The following C18orf54 variants were observed in gnomAD, a reference collection of about 807,000 sequenced individuals.
C18orf54 encodes lung adenoma susceptibility protein 2.
Under a neutral mutation model 49.3 loss-of-function variants are expected in C18orf54, and 49 were observed. The ratio of observed to expected loss-of-function variants is 0.99; its 90% confidence interval spans 0.79 to 1.26. The LOEUF is 1.26. Among genes scored for constraint, C18orf54 ranks in the 50% most tolerant of loss-of-function variants. C18orf54 has a pLI of 0.00. For synonymous variants in C18orf54, 211 were observed against 216.6 expected (o/e 0.97, Z 0.23); for missense variants, 687 against 620.6 (o/e 1.11, Z -1.14).
At position 54,378,366 on chromosome 18, in the gene C18orf54, G is replaced by T. The variant is rs2089611870; in HGVS notation, c.*120G>T. 2.4e-6 allele frequency: 2 copies of T among 835,884 alleles called. No homozygotes were observed. Among genetic ancestry groups the T allele is most frequent in the Non-Finnish European group, 1.8e-6 (1 of 552,898 alleles). The allele number at this position is 835,884 out of a possible 1,614,324, so 51.8% of individuals were successfully genotyped here. A position where few individuals can be genotyped will look rare whatever the true frequency, so the allele number is the denominator to read the frequency against. On this transcript the variant is annotated 3_prime_UTR_variant, in exon 9 of 9. Transcript: ENST00000620105. ...TACATTATTTTGTGGTTGGTTCAAGGATTATATATTTCTAAAACACTAAAC... is the reference window on the plus strand; with the variant it reads ...TACATTATTTTGTGGTTGGTTCAAGTATTATATATTTCTAAAACACTAAAC...
Position 54,360,576 on chromosome 18 carries a change from G to T in C18orf54, c.4G>T (p.Ala2Ser). The change falls in exon 3 of 9, where the codon GCG becomes TCG. Residue 2 changes from alanine (A) to serine (S), a missense_variant. Transcript: ENST00000620105. Reference protein sequence around the residue: MAKSKTKHRLCS... With the variant: MSKSKTKHRLCS... ...AACAATCCACTTTGAAGAAGCCATG[G>T]CGAAATCAAAGACAAAACATAGACT... 2 of 1,613,506 alleles carry T rather than the reference G, an allele frequency of 1.2e-6. No homozygotes were observed. The highest frequency in any genetic ancestry group is 8.5e-7 in the Non-Finnish European group (1 of 1,179,596).
In C18orf54 at chr18:54,362,325, G is replaced by C; in HGVS notation, c.966G>C (p.Leu322Phe). ...AFEPSNFSNS[L>F]SDDKELVNEY... ...AACCCTCAAACTTTTCAAATTCCTTGAGTGATGATAAAGAATTAGTTAATG... is the reference window on the plus strand; with the variant it reads ...AACCCTCAAACTTTTCAAATTCCTTCAGTGATGATAAAGAATTAGTTAATG... Residue 322 changes from leucine to phenylalanine, a missense_variant, in exon 4 of 9, where the codon TTG (leucine) becomes TTC (phenylalanine). By Grantham distance (22) the Leu-to-Phe change is conservative (BLOSUM62 0). Coordinates refer to ENST00000620105, the MANE Select transcript of C18orf54 (RefSeq NM_001288980.2). 6.5e-7 allele frequency: 1 copy of C among 1,536,034 alleles called. No individual in the cohort carries two copies. Among genetic ancestry groups the C allele is most frequent in the Non-Finnish European group, 8.7e-7 (1 of 1,146,788 alleles).
chr18:54,365,766 C>T lies in C18orf54; in HGVS notation c.1271C>T (p.Ser424Leu). 1 of 1,601,080 alleles carries T rather than the reference C, an allele frequency of 6.2e-7. No individual in the cohort carries two copies. Among genetic ancestry groups the T allele is most frequent in the Middle Eastern group, 1.7e-4 (1 of 5,996 alleles). The change falls in exon 6 of 9, where the codon TCA becomes TTA. Residue 424 changes from serine (S) to leucine (L), a missense_variant. By Grantham distance (145) the Ser-to-Leu change is moderately radical. Coordinates refer to ENST00000620105, the MANE Select transcript of C18orf54 (RefSeq NM_001288980.2). Reference sequence around the variant, plus strand: ...TCTGATGATAGTCCTCAACAAACTTCAAGGGCAAAGAGTGCTAAAGGGGTT... The same window carrying T: ...TCTGATGATAGTCCTCAACAAACTTTAAGGGCAAAGAGTGCTAAAGGGGTT... ...VNSDDSPQQT[S>L]RAKSAKGVLE... is the part of the protein sequence containing the mutation.
rs1198533055 is a variant in C18orf54, at chr18:54,379,482, A to G, written c.*1236A>G. 7 of 149,966 alleles carry G rather than the reference A, an allele frequency of 4.7e-5. No individual in the cohort carries two copies. Among genetic ancestry groups the G allele is most frequent in the Non-Finnish European group, 4.4e-5 (3 of 67,614 alleles). The allele number at this position is 149,966 out of a possible 1,614,324, so 9.3% of individuals were successfully genotyped here. A position where few individuals can be genotyped will look rare whatever the true frequency, so the allele number is the denominator to read the frequency against. ...TGTTAGAGGTGACATGTCAAACACT[A>G]CAGTGAGCTCTGTGGGGTTTTTTTT... is the stretch of plus-strand genomic sequence containing the variant. On this transcript the variant is annotated 3_prime_UTR_variant, in exon 9 of 9. Transcript: ENST00000620105.
intron 6 of C18orf54, among the ~76,000 whole-genome samples, chr18:54,369,877 T>C (rs2089454616): frequency 6.6e-6 from 1 of 152,024 alleles, no homozygotes; most frequent in South Asian, 2.1e-4. Flanking sequence ...GTTGTGCTGT[T>C]TATTTATAAT....
rs1413504982 is a variant in C18orf54, at chr18:54,380,613, T to C, written c.*2367T>C. On this transcript the variant is annotated 3_prime_UTR_variant, in exon 9 of 9. Transcript: ENST00000620105. Reference sequence around the variant, plus strand: ...GATTTCTGAGCAAATTAAGAAACACTGTTTTCCTGGGTTTGTTTTGGGTAT... The same window carrying C: ...GATTTCTGAGCAAATTAAGAAACACCGTTTTCCTGGGTTTGTTTTGGGTAT... 1 of 152,122 alleles carries C rather than the reference T, an allele frequency of 6.6e-6. No individual in the cohort carries two copies. The allele number at this position is 152,122 out of a possible 1,614,324, so 9.4% of individuals were successfully genotyped here.
intron 5 of C18orf54, 27 bp downstream of exon 5, chr18:54,362,948 T>G (rs1158323235): frequency 6.4e-7 from 1 of 1,568,846 alleles, no homozygotes; most frequent in South Asian, 1.2e-5. Context: ...GGAAAAACTG[T>G]TTAGTTTTCC....
chr18:54,367,975 C>G (rs1258459055), intron 6 of C18orf54, among the ~76,000 whole-genome samples: 1 of 152,038 alleles, frequency 6.6e-6, no homozygotes, highest in Admixed American at 6.6e-5. Flanking sequence ...ATTAAGCTCT[C>G]TATTGTATTT....
intron 5 of C18orf54, among the ~76,000 whole-genome samples, chr18:54,365,331 A>G (rs1276290187): frequency 1.3e-5 from 2 of 151,956 alleles, no homozygotes; most frequent in Non-Finnish European, 2.9e-5. Flanking sequence ...TCTAGTAAAA[A>G]CTTTTAAGAG....
chr18:54,367,637 G>C (rs1021686979), intron 6 of C18orf54, among the ~76,000 whole-genome samples: 2 of 152,100 alleles, frequency 1.3e-5, no homozygotes, highest in African/African-American at 4.8e-5. Context: ...TTCTCTTGCT[G>C]TTTTTAGAAT....
At chr18:54,369,861 G>C (rs1305909047) in intron 6 of C18orf54, among the ~76,000 whole-genome samples, 1 of 151,970 alleles carries the variant, frequency 6.6e-6, no homozygotes, top group Non-Finnish European at 1.5e-5. Flanking sequence ...AACTCTCTTT[G>C]GTGTGGTTGT....
intron 8 of C18orf54, among the ~76,000 whole-genome samples, chr18:54,376,500 A>G (rs187556238): frequency 1.3e-3 from 202 of 150,972 alleles, no homozygotes; most frequent in Middle Eastern, 3.4e-3. Context: ...TGCCTGGCTA[A>G]TTTTTGTATT....
chr18:54,375,705 CTT>C (rs1242170288), intron 8 of C18orf54, among the ~76,000 whole-genome samples: 2 of 151,712 alleles, frequency 1.3e-5, no homozygotes, highest in Non-Finnish European at 2.9e-5. Flanking sequence ...TTAATAGTAA[CTT>C]TTTTTCTACT....
intron 6 of C18orf54, among the ~76,000 whole-genome samples, chr18:54,366,277 T>G (rs1485049601): frequency 1.3e-5 from 2 of 151,954 alleles, no homozygotes; most frequent in African/African-American, 4.8e-5. Context: ...CTCTCCTTAT[T>G]CCTTACCTCC....
intron 7 of C18orf54, 134 bp from the exon 8 acceptor site, chr18:54,374,080 A>C: frequency 1.2e-6 from 1 of 818,838 alleles, no homozygotes; most frequent in Non-Finnish European, 1.8e-6. Flanking sequence ...AAAAATATTT[A>C]ATACTCTTGA....
Position 54,360,814 on chromosome 18 carries a change from A to T in C18orf54, c.242A>T (p.Asn81Ile), listed in dbSNP as rs1247424106. 2 of 1,613,048 alleles carry T rather than the reference A, an allele frequency of 1.2e-6. No individual in the cohort carries two copies. Among genetic ancestry groups the T allele is most frequent in the African/African-American group, 2.7e-5 (2 of 74,916 alleles). The change falls in exon 3 of 9, where the codon AAT becomes ATT. Residue 81 changes from asparagine to isoleucine, a missense_variant. By Grantham distance (149) the Asn-to-Ile change is moderately radical. Transcript: ENST00000620105. ...GKINIDEDFTNMSQFCNYIYK... is the reference protein window; with the variant it reads ...GKINIDEDFTIMSQFCNYIYK... The stretch of plus-strand genomic sequence containing the variant: ...ATTAACATTGATGAGGATTTTACTA[A>T]TATGTCACAGTTCTGCAACTATATT...
chr18:54,380,785 C>T lies in C18orf54; in HGVS notation c.*2539C>T, dbSNP rs550732072. On this transcript the variant is annotated 3_prime_UTR_variant, in exon 9 of 9. Transcript: ENST00000620105. ...CTGAAGATAAATCATGACAAGGTCC[C>T]CTGTTTATTCCTGTGTTACAGACGC... 30 of 152,072 alleles carry T rather than the reference C, an allele frequency of 2.0e-4. No individual in the cohort carries two copies. Among genetic ancestry groups the T allele is most frequent in the Non-Finnish European group, 3.4e-4 (23 of 67,922 alleles). 9.4% of individuals were successfully genotyped at this position (152,072 alleles called of 1,614,324 possible).
Position 54,362,845 on chromosome 18 carries a change from A to G in C18orf54, c.1147A>G (p.Met383Val), listed in dbSNP as rs746388601. Residue 383 changes from methionine to valine, a missense_variant, in exon 5 of 9, where the codon ATG becomes GTG. Physicochemically the swap from Met to Val is conservative, Grantham distance 21. Coordinates refer to ENST00000620105, the MANE Select transcript of C18orf54 (RefSeq NM_001288980.2). Reference sequence around the variant, plus strand: ...GTGTACTGAAGAATTACCAAAGTCCATGAAAAAGGATGACAGTCCTTGCTC... The same window carrying G: ...GTGTACTGAAGAATTACCAAAGTCCGTGAAAAAGGATGACAGTCCTTGCTC... ...EQCTEELPKS[M>V]KKDDSPCSLD... 6.8e-5 allele frequency: 110 copies of G among 1,612,760 alleles called. 1 individual carries two copies. In the South Asian group the frequency reaches 1.1e-3, roughly 17 times the overall value.
chr18:54,367,292 T>G (rs1039404409), intron 6 of C18orf54, among the ~76,000 whole-genome samples: 7 of 152,140 alleles, frequency 4.6e-5, no homozygotes, highest in Non-Finnish European at 7.4e-5. Context: ...TAATGTTTTA[T>G]TCTTTTCCTT....
Sources: gnomAD v4.1 joint callset for allele counts (sites outside exome capture counted in the v4.1 genomes callset) on GRCh38, gnomAD v4.1.1 for gene constraint, MANE v1.5 for transcripts, NCBI Gene and HGNC (gene_info 2026-07-23, HGNC 2026-07-21) for gene names.